The following PICALM variants were observed in gnomAD, a reference collection of about 807,000 sequenced individuals.
PICALM encodes the protein phosphatidylinositol-binding clathrin assembly protein.
PICALM carries 40 observed loss-of-function variants against 80.5 expected under a neutral mutation model. The observed-to-expected ratio is 0.50, with a 90% CI of 0.39 to 0.65. The LOEUF (loss-of-function observed/expected upper bound fraction) is 0.65, where lower values mean the gene tolerates loss of function less well. Ranked by LOEUF, PICALM falls within the 30% of genes least tolerant of loss-of-function variation. The probability of loss-of-function intolerance (pLI) is 0.00; values close to 1 mark genes in which losing one functional copy is unlikely to be tolerated. For missense variants in PICALM, 676 were observed against 778.9 expected, an observed-to-expected ratio of 0.87 and a Z score of 1.57; for synonymous variants, 288 against 260.3, an observed-to-expected ratio of 1.11 and a Z score of -1.02.
intron 1 of PICALM, among the ~76,000 whole-genome samples, chr11:86,040,346 C>A (rs1172164420): frequency 6.6e-6 from 1 of 152,106 alleles, no homozygotes; most frequent in Non-Finnish European, 1.5e-5. Context: ...ACTTCTCTTT[C>A]TAATAACTTT....
chr11:85,957,387 C>T lies in PICALM; in HGVS notation c.*1659G>A, dbSNP rs2135195728. Among the ~76,000 whole-genome samples the T allele has an allele frequency of 6.6e-6, 1 of 152,198 alleles. No individual in the cohort carries two copies. The highest frequency in any genetic ancestry group is 2.1e-4 in the South Asian group (1 of 4,828). ...TCTTTGGCAGACATAATTATATGTA[C>T]CAAAACATTAAACTGCGTATTTTCC... On this transcript the variant is annotated 3_prime_UTR_variant, in exon 20 of 20. Transcript: ENST00000393346.
At chr11:85,980,955 A>G (rs1432477789) in intron 17 of PICALM, among the ~76,000 whole-genome samples, 174 bp downstream of exon 17, 1 of 152,258 alleles carries the variant, frequency 6.6e-6, no homozygotes, top group Non-Finnish European at 1.5e-5. Context: ...TAGCCACTAA[A>G]ATGTATCTGG....
At chr11:85,974,477 A>G (rs748070692) in intron 19 of PICALM, 4 of 635,616 alleles carry the variant, frequency 6.3e-6, no homozygotes, top group African/African-American at 1.8e-5. Context: ...TCTACCAACT[A>G]TAAGTTACCA....
At chr11:86,060,628 C>T (rs151087020) in intron 1 of PICALM, among the ~76,000 whole-genome samples, 1,846 of 152,080 alleles carry the variant, frequency 0.012, 13 homozygotes, top group Middle Eastern at 0.034. Context: ...CCCCAAAAGT[C>T]CCCAGACCAC....
intron 19 of PICALM, among the ~76,000 whole-genome samples, chr11:85,966,382 A>T (rs1036856789): frequency 2.6e-5 from 4 of 152,194 alleles, no homozygotes; most frequent in Non-Finnish European, 5.9e-5. Flanking sequence ...CTCCTCTTAG[A>T]ATTAGAGAAT....
rs1158860669 is a variant in PICALM at position 86,068,809 on chromosome 11, C to T, written c.-29G>A. 1.3e-6 allele frequency: 2 copies of T among 1,581,608 alleles called. No homozygotes were observed. Among genetic ancestry groups the T allele is most frequent in the Non-Finnish European group, 1.7e-6 (2 of 1,167,906 alleles). On this transcript the variant is annotated 5_prime_UTR_variant, in exon 1 of 20. Coordinates refer to ENST00000393346, the MANE Select transcript of PICALM (RefSeq NM_007166.4). ...TGCAGCTCCTCCACCACCCCACCCG[C>T]TCAGCAGCCGGCGGGGACTGGGACC...
intron 14 of PICALM, among the ~76,000 whole-genome samples, 180 bp downstream of exon 14, chr11:85,983,665 CAAAGTCTAAATTGGCACCAAT>C (rs1427728067): frequency 6.6e-6 from 1 of 152,122 alleles, no homozygotes; most frequent in East Asian, 1.9e-4. Context: ...TCACTCTTCC[CAAAGTCTAAATTGGCACCAAT>C]AAAAGAATAA....
At chr11:86,058,854 ACTC>A (rs886204229) in intron 1 of PICALM, among the ~76,000 whole-genome samples, 6 of 151,954 alleles carry the variant, frequency 3.9e-5, no homozygotes, top group African/African-American at 4.8e-5. Flanking sequence ...GCTCTGATAA[ACTC>A]CTCAGATCTA....
chr11:86,021,937 T>C (rs1367954968), intron 4 of PICALM, among the ~76,000 whole-genome samples: 1 of 152,228 alleles, frequency 6.6e-6, no homozygotes, highest in Non-Finnish European at 1.5e-5. Context: ...ATTGTATAAT[T>C]TCATTTATAT....
Position 86,000,724 on chromosome 11 carries a change from G to T in PICALM, c.1073C>A (p.Ala358Asp). ...TCCTGCTGAGGTGGATACAGGAGAG[G>T]CTGCAGTTGTTAAAGAGGTATGAGG... ...KKPHTSLTTAASPVSTSAGGI... is the reference protein window; with the variant it reads ...KKPHTSLTTADSPVSTSAGGI... The change falls in exon 11 of 20, where the codon GCC (alanine) becomes GAC (aspartate). Residue 358 changes from alanine to aspartate, a missense_variant. Transcript: ENST00000393346. The T allele has an allele frequency of 6.2e-7, 1 of 1,612,550 alleles. No individual in the cohort carries two copies. Among genetic ancestry groups the T allele is most frequent in the South Asian group, 1.1e-5 (1 of 91,008 alleles).
rs539353909 is a variant in PICALM at position 85,989,203 on chromosome 11, A to G, written c.1408+1047T>C. 4.6e-5 allele frequency among the ~76,000 whole-genome samples: 7 copies of G among 152,312 alleles called. No individual in the cohort carries two copies. In the East Asian group the frequency reaches 1.2e-3, roughly 25 times the overall value. The stretch of plus-strand genomic sequence containing the variant: ...GGCTGGCAACTTGTATCAAAATGAC[A>G]TGAAGGAATTACTGCAATGAATTAT... On this transcript the variant is annotated intron_variant, in intron 13 of 19. Transcript: ENST00000393346.
intron 1 of PICALM, among the ~76,000 whole-genome samples, chr11:86,061,404 C>T (rs1019286073): frequency 7.0e-6 from 1 of 142,298 alleles, no homozygotes; most frequent in Non-Finnish European, 1.5e-5. Flanking sequence ...AAATAAACAA[C>T]TCTCAAACCT....
intron 4 of PICALM, among the ~76,000 whole-genome samples, chr11:86,016,906 CA>C (rs1043523588): frequency 6.6e-6 from 1 of 152,136 alleles, no homozygotes; most frequent in Non-Finnish European, 1.5e-5. Context: ...TCTTGCCACC[CA>C]AACTATATTT....
At chr11:86,044,190 C>A (rs1212672274) in intron 1 of PICALM, among the ~76,000 whole-genome samples, 4 of 152,140 alleles carry the variant, frequency 2.6e-5, no homozygotes, top group Non-Finnish European at 5.9e-5. Flanking sequence ...CTAAAAATTT[C>A]TTAGCTCTTG....
At chr11:86,049,918 G>C (rs1359760200) in intron 1 of PICALM, among the ~76,000 whole-genome samples, 4 of 151,754 alleles carry the variant, frequency 2.6e-5, no homozygotes, top group Non-Finnish European at 5.9e-5. Flanking sequence ...AACTACATCA[G>C]GCCAGGTGAG....
intron 19 of PICALM, among the ~76,000 whole-genome samples, chr11:85,971,291 C>T (rs974371260): frequency 1.3e-5 from 2 of 152,154 alleles, no homozygotes; most frequent in Non-Finnish European, 2.9e-5. Context: ...CTAATGTTCT[C>T]ATTCACTTCT....
intron 6 of PICALM, among the ~76,000 whole-genome samples, chr11:86,011,477 A>G (rs2095393112): frequency 6.6e-6 from 1 of 152,258 alleles, no homozygotes; most frequent in Non-Finnish European, 1.5e-5. Flanking sequence ...TACTAATAGT[A>G]TATTATCTAA....
intron 4 of PICALM, among the ~76,000 whole-genome samples, chr11:86,017,761 T>C (rs1312033375): frequency 1.3e-5 from 2 of 152,206 alleles, no homozygotes; most frequent in East Asian, 1.9e-4. Flanking sequence ...TGTGCCACCA[T>C]GTGAAAGAAG....
At position 86,026,424 on chromosome 11, in the gene PICALM, G is replaced by A. The variant is rs572982603; in HGVS notation, c.274-57C>T. ...ACTGCCATCTCACCAACTCTAATTC[G>A]AAAATTAGGAGGAAAAGTTATGGTT... On this transcript the variant is annotated intron_variant, in intron 2 of 19. Coordinates refer to ENST00000393346, the MANE Select transcript of PICALM (RefSeq NM_007166.4). 4.9e-5 allele frequency: 47 copies of A among 962,010 alleles called. 1 individual carries two copies. Among genetic ancestry groups the A allele is most frequent in the African/African-American group, 9.7e-5 (6 of 61,940 alleles). The allele number at this position is 962,010 out of a possible 1,614,324, so 59.6% of individuals were successfully genotyped here.
Sources: allele counts gnomAD v4.1 joint callset (sites outside exome capture counted in the v4.1 genomes callset), GRCh38; gene constraint gnomAD v4.1.1; transcripts MANE v1.5; gene names NCBI Gene and HGNC (gene_info 2026-07-23, HGNC 2026-07-21).